The following SLMAP variants were observed in gnomAD, a reference collection of about 807,000 sequenced individuals.
SLMAP encodes the protein sarcolemma associated protein, also known as sarcolemmal membrane-associated protein.
In SLMAP, 44 loss-of-function variants were observed where a neutral mutation model predicts 128.8. The observed-to-expected ratio is 0.34, with a 90% CI of 0.27 to 0.44. The LOEUF (loss-of-function observed/expected upper bound fraction) is 0.44, where lower values mean the gene tolerates loss of function less well. Ranked by LOEUF, SLMAP falls within the 20% of genes least tolerant of loss-of-function variation. SLMAP has a pLI of 1.00. For synonymous variants in SLMAP, 327 were observed against 348.8 expected (o/e 0.94, Z 0.70); for missense variants, 787 against 985.3 (o/e 0.80, Z 2.69).
intron 2 of SLMAP, among the ~76,000 whole-genome samples, chr3:57,823,146 G>A (rs1429052897): frequency 6.6e-6 from 1 of 152,132 alleles, no homozygotes; most frequent in Non-Finnish European, 1.5e-5. Flanking sequence ...AACCATCCTT[G>A]GGGAAATGCG....
chr3:57,889,855 A>G, intron 14 of SLMAP, 186 bp from the exon 15 acceptor site: 1 of 469,094 alleles, frequency 2.1e-6, no homozygotes, highest in Non-Finnish European at 3.8e-6. Flanking sequence ...TTCTGCATTA[A>G]CGTGATTGCT....
chr3:57,896,185 G>A, intron 15 of SLMAP: 1 of 1,019,250 alleles, frequency 9.8e-7, no homozygotes. Context: ...CCTGGGAATT[G>A]TACTATATTT....
chr3:57,781,655 A>G (rs2083093818), intron 2 of SLMAP, among the ~76,000 whole-genome samples: 1 of 151,668 alleles, frequency 6.6e-6, no homozygotes, highest in African/African-American at 2.4e-5. Flanking sequence ...AAGTCTTTTC[A>G]TTGTATTTAC....
intron 15 of SLMAP, among the ~76,000 whole-genome samples, chr3:57,895,141 G>T (rs1386046073): frequency 1.3e-5 from 2 of 151,468 alleles, no homozygotes; most frequent in African/African-American, 2.4e-5. Flanking sequence ...AAAAAGAAAG[G>T]AATTCCATAG....
intron 2 of SLMAP, among the ~76,000 whole-genome samples, chr3:57,760,209 G>C (rs1400567037): frequency 6.6e-6 from 1 of 152,180 alleles, no homozygotes; most frequent in African/African-American, 2.4e-5. Flanking sequence ...CAAAGTGCTG[G>C]AATTACAGGC....
intron 2 of SLMAP, among the ~76,000 whole-genome samples, chr3:57,772,511 AC>A (rs1266347338): frequency 2.6e-5 from 4 of 152,190 alleles, no homozygotes; most frequent in African/African-American, 9.6e-5. Flanking sequence ...GAGCACTTAT[AC>A]CTCAGCTTAT....
At chr3:57,848,375 GCCTTCTTTCTTTTT>G (rs1231358275) in intron 5 of SLMAP, among the ~76,000 whole-genome samples, 1 of 140,338 alleles carries the variant, frequency 7.1e-6, no homozygotes, top group Admixed American at 7.4e-5. Context: ...TCCTCCTTCT[GCCTTCTTTCTTTTT>G]CCTTCTTATT....
chr3:57,873,024 A>T (rs956760277), intron 14 of SLMAP, among the ~76,000 whole-genome samples: 4 of 152,222 alleles, frequency 2.6e-5, no homozygotes, highest in Non-Finnish European at 5.9e-5. Flanking sequence ...TAATTAAAAC[A>T]GACACAAATT....
chr3:57,858,401 G>T (rs1001026539), intron 8 of SLMAP, among the ~76,000 whole-genome samples: 1 of 152,010 alleles, frequency 6.6e-6, no homozygotes, highest in Non-Finnish European at 1.5e-5. Context: ...TGGGTCATTT[G>T]TCCTCTAGAA....
chr3:57,768,260 A>G (rs1206625160), intron 2 of SLMAP, among the ~76,000 whole-genome samples: 2 of 152,208 alleles, frequency 1.3e-5, no homozygotes, highest in Non-Finnish European at 2.9e-5. Flanking sequence ...TTAAGCACAT[A>G]GAAACTGTGT....
chr3:57,823,175 C>G (rs1009501877), intron 2 of SLMAP, among the ~76,000 whole-genome samples: 2 of 152,084 alleles, frequency 1.3e-5, no homozygotes, highest in African/African-American at 4.8e-5. Flanking sequence ...ACTTATCAGA[C>G]AAAAACTTTA....
intron 2 of SLMAP, among the ~76,000 whole-genome samples, chr3:57,765,820 C>T (rs146849528): frequency 8.7e-4 from 133 of 152,196 alleles, no homozygotes; most frequent in African/African-American, 3.0e-3. Context: ...GTTCATTTCC[C>T]TCTATATTAT....
chr3:57,891,144 C>T (rs1419340910), intron 15 of SLMAP: 1 of 151,656 alleles, frequency 6.6e-6, no homozygotes, highest in Non-Finnish European at 1.5e-5. Context: ...TTTTACCTCA[C>T]CATCCAAATA....
At chr3:57,803,403 T>C (rs2089057824) in intron 2 of SLMAP, among the ~76,000 whole-genome samples, 1 of 152,228 alleles carries the variant, frequency 6.6e-6, no homozygotes, top group African/African-American at 2.4e-5. Context: ...TTGGTTATAC[T>C]AAATTAACAA....
intron 2 of SLMAP, among the ~76,000 whole-genome samples, chr3:57,775,498 C>T (rs1222255309): frequency 7.8e-6 from 1 of 128,852 alleles, no homozygotes; most frequent in East Asian, 2.1e-4. Flanking sequence ...CAAAGTGAAA[C>T]CCTGTTGGTA....
chr3:57,912,693 G>A lies in SLMAP; in HGVS notation c.2012G>A (p.Arg671Lys). The change falls in exon 20 of 25, where the codon AGG becomes AAG. Residue 671 changes from arginine to lysine, a missense_variant. By Grantham distance (26) the Arg-to-Lys change is conservative. Transcript: ENST00000671191. ...GACCAGCAGAGAGAAGAAGCAACAAGGTTGCAAGGTGAATAAATGTATTTT... is the reference window on the plus strand; with the variant it reads ...GACCAGCAGAGAGAAGAAGCAACAAAGTTGCAAGGTGAATAAATGTATTTT... ...CEDQQREEAT[R>K]LQGELEKLRK... is the part of the protein sequence containing the mutation. 1 of 1,606,344 alleles carries A rather than the reference G, an allele frequency of 6.2e-7. No individual in the cohort carries two copies.
chr3:57,802,954 A>T (rs2088909017), intron 2 of SLMAP, among the ~76,000 whole-genome samples: 1 of 152,246 alleles, frequency 6.6e-6, no homozygotes, highest in South Asian at 2.1e-4. Flanking sequence ...ATAGCACTAT[A>T]CTTGAGAAGA....
intron 14 of SLMAP, among the ~76,000 whole-genome samples, chr3:57,877,990 A>G (rs531922609): frequency 6.6e-6 from 1 of 151,616 alleles, no homozygotes; most frequent in East Asian, 1.9e-4. Context: ...ACCCGCTACC[A>G]TACCCGGCTA....
At chr3:57,877,702 A>C (rs140488047) in intron 14 of SLMAP, among the ~76,000 whole-genome samples, 1 of 152,256 alleles carries the variant, frequency 6.6e-6, no homozygotes, top group African/African-American at 2.4e-5. Flanking sequence ...GACAATCTTA[A>C]GTACATGCCA....
Sources: allele counts gnomAD v4.1 joint callset (sites outside exome capture counted in the v4.1 genomes callset), GRCh38; gene constraint gnomAD v4.1.1; transcripts MANE v1.5; gene names NCBI Gene and HGNC (gene_info 2026-07-23, HGNC 2026-07-21).